Variants in CHSY1 observed in about 807,000 individuals in gnomAD.
CHSY1 encodes chondroitin sulfate synthase 1.
A neutral mutation model predicts 59.8 loss-of-function variants in CHSY1; 13 were observed. That is an observed-to-expected ratio of 0.22 (90% confidence interval 0.14 to 0.35). The LOEUF is 0.35. Among genes scored for constraint, CHSY1 ranks in the 10% least tolerant of loss-of-function variants. CHSY1 has a pLI of 1.00. For synonymous variants in CHSY1, 459 were observed against 401.2 expected (o/e 1.14, Z -1.72); for missense variants, 947 against 1,030.6 (o/e 0.92, Z 1.11).
rs534047494 is a variant in CHSY1 at position 101,206,994 on chromosome 15, G to C, written c.817-28014C>G. The stretch of plus-strand genomic sequence containing the variant: ...CCACTGGCTATCCAGTACCACTCTC[G>C]CGTGTCAGCACATTCCAAAATTAGT... On this transcript the variant is annotated intron_variant, in intron 2 of 2. Transcript: ENST00000254190. Among the ~76,000 whole-genome samples the C allele has an allele frequency of 5.3e-5, 8 of 152,216 alleles. No homozygotes were observed. The South Asian group carries it at 1.0e-3, about 20-fold the overall frequency.
At chr15:101,238,454 C>T (rs1204118272) in intron 1 of CHSY1, among the ~76,000 whole-genome samples, 2 of 152,166 alleles carry the variant, frequency 1.3e-5, no homozygotes, top group Non-Finnish European at 2.9e-5. Flanking sequence ...GACTTTCTGC[C>T]AACACGCCTC....
At chr15:101,206,174 G>C (rs1466637709) in intron 2 of CHSY1, among the ~76,000 whole-genome samples, 1 of 152,062 alleles carries the variant, frequency 6.6e-6, no homozygotes, top group African/African-American at 2.4e-5. Flanking sequence ...TTCTCTCCCC[G>C]GGTGAGCCTC....
intron 1 of CHSY1, 31 bp downstream of exon 1, chr15:101,251,106 A>G (rs1265325684): frequency 6.5e-7 from 1 of 1,544,570 alleles, no homozygotes; most frequent in Non-Finnish European, 8.7e-7. Flanking sequence ...TGCCGGACGC[A>G]GGAGGCGGTG....
intron 2 of CHSY1, among the ~76,000 whole-genome samples, chr15:101,231,489 T>C (rs2038892160): frequency 6.6e-6 from 1 of 152,228 alleles, no homozygotes; most frequent in African/African-American, 2.4e-5. Flanking sequence ...TTCTGAATTT[T>C]GAGCCACGTG....
At chr15:101,221,894 A>T (rs7178467) in intron 2 of CHSY1, among the ~76,000 whole-genome samples, 30,974 of 95,936 alleles carry the variant, frequency 0.32, 3,474 homozygotes, top group African/African-American at 0.54. Flanking sequence ...TTTTTTTTTT[A>T]AAATCCCTGC....
At chr15:101,220,556 G>A (rs73483257) in intron 2 of CHSY1, among the ~76,000 whole-genome samples, 5,504 of 152,060 alleles carry the variant, frequency 0.036, 321 homozygotes, top group African/African-American at 0.12. Flanking sequence ...TCACCTCTTC[G>A]CAGATGTATC....
rs1281451817 is a variant in CHSY1 at position 101,251,319 on chromosome 15, C to T, written c.138G>A (p.Glu46=). Residue 46 remains glutamate, a synonymous_variant, in exon 1 of 3, where the codon GAG becomes GAA. Transcript: ENST00000254190. ...RAGPRRRASP[E]GCRSGQAAAS... is the part of the protein sequence containing the mutation. Reference sequence around the variant, plus strand: ...CCGCCGCCTGCCCGGACCGGCAGCCCTCGGGGCTGGCGCGGCGCCGTGGGC... The same window carrying T: ...CCGCCGCCTGCCCGGACCGGCAGCCTTCGGGGCTGGCGCGGCGCCGTGGGC... The T allele has an allele frequency of 3.5e-5, 40 of 1,129,372 alleles. No individual in the cohort carries two copies. The highest frequency in any genetic ancestry group is 4.2e-5 in the Non-Finnish European group (39 of 919,548). 70.0% of individuals were successfully genotyped at this position (1,129,372 alleles called of 1,614,324 possible).
chr15:101,228,894 A>G (rs1393964897), intron 2 of CHSY1, among the ~76,000 whole-genome samples: 1 of 152,208 alleles, frequency 6.6e-6, no homozygotes, highest in Non-Finnish European at 1.5e-5. Flanking sequence ...ACATAAAGCA[A>G]TTATTATAAA....
intron 2 of CHSY1, among the ~76,000 whole-genome samples, chr15:101,196,661 G>A (rs544853646): frequency 6.6e-6 from 1 of 152,178 alleles, no homozygotes; most frequent in East Asian, 1.9e-4. Flanking sequence ...ACTATAGGAC[G>A]ATTAGCCAAC....
chr15:101,209,820 G>C (rs554959160), intron 2 of CHSY1, among the ~76,000 whole-genome samples: 52 of 152,178 alleles, frequency 3.4e-4, no homozygotes, highest in Non-Finnish European at 6.5e-4. Context: ...GAAGATGTGA[G>C]GACAACACTA....
At chr15:101,251,108 G>A in intron 1 of CHSY1, 29 bp downstream of exon 1, 4 of 1,548,538 alleles carry the variant, frequency 2.6e-6, no homozygotes, top group Non-Finnish European at 3.5e-6. Context: ...CCGGACGCAG[G>A]AGGCGGTGCC....
intron 2 of CHSY1, among the ~76,000 whole-genome samples, chr15:101,189,743 C>T (rs929185793): frequency 3.9e-5 from 6 of 152,254 alleles, no homozygotes; most frequent in East Asian, 1.9e-4. Flanking sequence ...AGACATTCAA[C>T]GCCGTGTTAA....
At chr15:101,249,909 C>T (rs567629819) in intron 1 of CHSY1, among the ~76,000 whole-genome samples, 1 of 152,188 alleles carries the variant, frequency 6.6e-6, no homozygotes, top group Non-Finnish European at 1.5e-5. Context: ...TTAAGCAGGA[C>T]CCTAATGGAA....
chr15:101,227,748 C>A (rs907256538), intron 2 of CHSY1, among the ~76,000 whole-genome samples: 40 of 152,112 alleles, frequency 2.6e-4, no homozygotes, highest in African/African-American at 9.4e-4. Flanking sequence ...TACAAGAGAC[C>A]CTCAGCAAAG....
In CHSY1 at chr15:101,177,228, T is replaced by C; in HGVS notation, c.*160A>G. 1 of 645,472 alleles carries C rather than the reference T, an allele frequency of 1.5e-6. No individual in the cohort carries two copies. The highest frequency in any genetic ancestry group is 2.2e-5 in the South Asian group (1 of 46,320). The allele number at this position is 645,472 out of a possible 1,614,324, so 40.0% of individuals were successfully genotyped here. A position where few individuals can be genotyped will look rare whatever the true frequency, so the allele number is the denominator to read the frequency against. On this transcript the variant is annotated 3_prime_UTR_variant, in exon 3 of 3. Coordinates refer to ENST00000254190, the MANE Select transcript of CHSY1 (RefSeq NM_014918.5). The stretch of plus-strand genomic sequence containing the variant: ...AGATGTGTTCAAAGGCAAACACTGA[T>C]CACCTTCTTGTTCAGAAAGCTCAAT...
chr15:101,237,514 G>A (rs761279186), intron 1 of CHSY1, among the ~76,000 whole-genome samples: 3 of 152,196 alleles, frequency 2.0e-5, no homozygotes, highest in East Asian at 1.9e-4. Context: ...GGTCAATTGC[G>A]AGGAAACCAC....
At chr15:101,213,996 T>C (rs1209403573) in intron 2 of CHSY1, among the ~76,000 whole-genome samples, 1 of 152,206 alleles carries the variant, frequency 6.6e-6, no homozygotes, top group Admixed American at 6.5e-5. Context: ...CTTAAACAGA[T>C]AGCCCAGGCA....
At chr15:101,212,566 A>G (rs1421848550) in intron 2 of CHSY1, among the ~76,000 whole-genome samples, 3 of 152,246 alleles carry the variant, frequency 2.0e-5, no homozygotes, top group African/African-American at 7.2e-5. Flanking sequence ...GACAGAATCA[A>G]TCTTTGGCAG....
chr15:101,237,810 C>T (rs78685960), intron 1 of CHSY1, among the ~76,000 whole-genome samples: 1 of 152,060 alleles, frequency 6.6e-6, no homozygotes. Context: ...AAAAATGTAT[C>T]GTGGAGAATA....
Sources: gnomAD v4.1 joint callset for allele counts (sites outside exome capture counted in the v4.1 genomes callset) on GRCh38, gnomAD v4.1.1 for gene constraint, MANE v1.5 for transcripts, NCBI Gene and HGNC (gene_info 2026-07-23, HGNC 2026-07-21) for gene names.